FAM135B: variants seen among roughly 807,000 people sequenced by gnomAD.
FAM135B encodes protein FAM135B.
FAM135B carries 43 observed loss-of-function variants against 127.7 expected under a neutral mutation model. That is an observed-to-expected ratio of 0.34 (90% confidence interval 0.26 to 0.43). The LOEUF is 0.43. Among genes scored for constraint, FAM135B ranks in the 20% least tolerant of loss-of-function variants. The probability of loss-of-function intolerance (pLI) is 1.00; values close to 1 mark genes in which losing one functional copy is unlikely to be tolerated. For missense variants in FAM135B, 1,558 were observed against 1,725.6 expected (o/e 0.90, Z 1.72); for synonymous variants, 670 against 665.1 (o/e 1.01, Z -0.11).
At chr8:138,222,678 G>GTTTTTTTTTTTTTTTTTTTTTTTTT (rs33913656) in intron 7 of FAM135B, among the ~76,000 whole-genome samples, 1 of 104,052 alleles carries the variant, frequency 9.6e-6, no homozygotes, top group Non-Finnish European at 1.9e-5. Flanking sequence ...TGTTGGTGGT[G>GTTTTTTTTTTTTTTTTTTTTTTTTT]TTTTTTTTTT....
chr8:138,476,597 T>C (rs1814460269), intron 1 of FAM135B, among the ~76,000 whole-genome samples: 1 of 152,046 alleles, frequency 6.6e-6, no homozygotes, highest in African/African-American at 2.4e-5. Flanking sequence ...GAACCCATCA[T>C]GAACCTATTG....
chr8:138,160,732 G>A (rs1473209892), intron 12 of FAM135B, among the ~76,000 whole-genome samples: 1 of 152,068 alleles, frequency 6.6e-6, no homozygotes, highest in Non-Finnish European at 1.5e-5. Flanking sequence ...GTTCATCAAG[G>A]ATTGTGCCCT....
intron 1 of FAM135B, among the ~76,000 whole-genome samples, chr8:138,402,628 A>C (rs1833216584): frequency 6.6e-6 from 1 of 152,194 alleles, no homozygotes; most frequent in Non-Finnish European, 1.5e-5. Flanking sequence ...AAAGAGAGTA[A>C]ATAACTTGGC....
rs191897931 is a variant in FAM135B, at chr8:138,301,851, G to T, written c.157+8990C>A. On this transcript the variant is annotated intron_variant, in intron 3 of 19. Transcript: ENST00000395297. Reference sequence around the variant, plus strand: ...TGGCCTCATACCATGCTGAACCCCTGCTTGAAACCTTTGGTACAAGAACAG... The same window carrying T: ...TGGCCTCATACCATGCTGAACCCCTTCTTGAAACCTTTGGTACAAGAACAG... Among the ~76,000 whole-genome samples the T allele has an allele frequency of 1.4e-4, 21 of 152,282 alleles. No individual in the cohort carries two copies. The East Asian group carries it at 4.1e-3, about 29-fold the overall frequency.
At chr8:138,377,806 G>T (rs11782146) in intron 1 of FAM135B, among the ~76,000 whole-genome samples, 2 of 151,928 alleles carry the variant, frequency 1.3e-5, no homozygotes, top group Non-Finnish European at 2.9e-5. Flanking sequence ...AATTACTCTC[G>T]AAAGCATGTA....
At chr8:138,236,316 T>C (rs1423273768) in intron 7 of FAM135B, among the ~76,000 whole-genome samples, 2 of 152,046 alleles carry the variant, frequency 1.3e-5, no homozygotes, top group Non-Finnish European at 2.9e-5. Context: ...CCCACGTTCA[T>C]TGGCGCATTA....
intron 3 of FAM135B, among the ~76,000 whole-genome samples, chr8:138,282,970 G>A (rs1412471425): frequency 1.1e-4 from 16 of 151,686 alleles, no homozygotes; most frequent in African/African-American, 2.7e-4. Flanking sequence ...GTGTGATCTC[G>A]GCTTACTGCA....
chr8:138,200,147 G>T (rs1449022989), intron 7 of FAM135B, among the ~76,000 whole-genome samples: 1 of 152,190 alleles, frequency 6.6e-6, no homozygotes, highest in African/African-American at 2.4e-5. Flanking sequence ...TCCATGGCTT[G>T]CATTTCTCAG....
At chr8:138,364,710 T>C (rs534055879) in intron 2 of FAM135B, among the ~76,000 whole-genome samples, 1 of 152,318 alleles carries the variant, frequency 6.6e-6, no homozygotes, top group African/African-American at 2.4e-5. Context: ...TATATTTATT[T>C]ATAAATACTA....
At chr8:138,205,573 G>C (rs1167030618) in intron 7 of FAM135B, among the ~76,000 whole-genome samples, 1 of 152,030 alleles carries the variant, frequency 6.6e-6, no homozygotes, top group East Asian at 1.9e-4. Flanking sequence ...TTACCTTTCC[G>C]GCTCTTTAAT....
intron 11 of FAM135B, among the ~76,000 whole-genome samples, chr8:138,174,403 G>T (rs7386152): frequency 0.53 from 80,852 of 151,846 alleles, 22,005 homozygotes; most frequent in East Asian, 0.81. Context: ...GCAGAACCAC[G>T]TTAACGCACA....
chr8:138,301,970 G>A (rs1053764634), intron 3 of FAM135B, among the ~76,000 whole-genome samples: 2 of 152,090 alleles, frequency 1.3e-5, no homozygotes, highest in African/African-American at 4.8e-5. Context: ...CCCTCAAGAA[G>A]CTTTGAACAA....
chr8:138,205,564 T>TA (rs1817488934), intron 7 of FAM135B, among the ~76,000 whole-genome samples: 1 of 152,212 alleles, frequency 6.6e-6, no homozygotes, highest in Admixed American at 6.5e-5. Context: ...GAAAATCACT[T>TA]ACCTTTCCGG....
chr8:138,200,586 C>A (rs761812453), intron 7 of FAM135B, among the ~76,000 whole-genome samples: 23 of 152,188 alleles, frequency 1.5e-4, no homozygotes, highest in Non-Finnish European at 1.0e-4. Flanking sequence ...ACAAACAAAA[C>A]CCCATCAATA....
At chr8:138,200,198 T>C (rs979252797) in intron 7 of FAM135B, among the ~76,000 whole-genome samples, 1 of 152,238 alleles carries the variant, frequency 6.6e-6, no homozygotes, top group South Asian at 2.1e-4. Flanking sequence ...GTCAAATTCT[T>C]TCTGATTTGA....
intron 9 of FAM135B, among the ~76,000 whole-genome samples, chr8:138,189,625 G>T (rs1815927731): frequency 6.6e-6 from 1 of 152,100 alleles, no homozygotes; most frequent in Non-Finnish European, 1.5e-5. Context: ...ATGGACTTTT[G>T]CCCCTCTGAG....
In FAM135B at chr8:138,214,861, C is replaced by A. The variant is rs577282713; in HGVS notation, c.670-17192G>T. ...AAATTAGCCTTAGGTGAAGATGGAG[C>A]AGAGGGAAGAGGATCAGAAAAAAAT... On this transcript the variant is annotated intron_variant, in intron 7 of 19. Coordinates refer to ENST00000395297, the MANE Select transcript of FAM135B (RefSeq NM_015912.4). 6.6e-5 allele frequency among the ~76,000 whole-genome samples: 10 copies of A among 152,104 alleles called. No homozygotes were observed. The South Asian group carries it at 2.1e-3, about 32-fold the overall frequency.
At position 138,425,964 on chromosome 8, in the gene FAM135B, CATATATATATATATATATATAT is replaced by C. The variant is rs11271386; in HGVS notation, c.-19-57984_-19-57963del. On this transcript the variant is annotated intron_variant, in intron 1 of 19. Transcript: ENST00000395297. ...AGGAGTTCGAGACCAGCCAGGCCAA[CATATATATATATATATATATAT>C]ATATATATATATATATATATATATA... Among the ~76,000 whole-genome samples the C allele has an allele frequency of 1.4e-3, 154 of 110,004 alleles. 2 individuals carry two copies. Among genetic ancestry groups the C allele is most frequent in the South Asian group, 5.2e-3 (11 of 2,098 alleles). 72.2% of individuals were successfully genotyped at this position (110,004 alleles called of 152,430 possible). A position where few individuals can be genotyped will look rare whatever the true frequency, so the allele number is the denominator to read the frequency against.
intron 2 of FAM135B, among the ~76,000 whole-genome samples, chr8:138,328,859 C>T (rs1827982288): frequency 6.6e-6 from 1 of 152,066 alleles, no homozygotes; most frequent in Non-Finnish European, 1.5e-5. Flanking sequence ...TTTGCCACAG[C>T]CCAGAGAAAG....
Sources: gnomAD v4.1 joint callset for allele counts (sites outside exome capture counted in the v4.1 genomes callset) on GRCh38, gnomAD v4.1.1 for gene constraint, MANE v1.5 for transcripts, NCBI Gene and HGNC (gene_info 2026-07-23, HGNC 2026-07-21) for gene names.